The following CORO2B variants were observed in gnomAD, a reference collection of about 807,000 sequenced individuals.
CORO2B encodes coronin-2B.
In CORO2B, 26 loss-of-function variants were observed where a neutral mutation model predicts 58.8. The ratio of observed to expected loss-of-function variants is 0.44; its 90% CI spans 0.32 to 0.61. The LOEUF (loss-of-function observed/expected upper bound fraction) is 0.61. CORO2B is among the 20% of genes least tolerant of loss of function. The pLI, the probability that CORO2B is intolerant of heterozygous loss-of-function variation, is 0.04. For synonymous variants in CORO2B, 242 were observed against 253.8 expected, an observed-to-expected ratio of 0.95 and a Z score of 0.44; for missense variants, 460 against 645.1, an observed-to-expected ratio of 0.71 and a Z score of 3.11.
At chr15:68,624,562 G>A (rs1900624407) in intron 1 of CORO2B, among the ~76,000 whole-genome samples, 1 of 152,096 alleles carries the variant, frequency 6.6e-6, no homozygotes, top group Non-Finnish European at 1.5e-5. Context: ...TGATGTATTA[G>A]TTGTGCATTC....
At chr15:68,558,143 C>T in the CORO2B span, among the ~76,000 whole-genome samples, 10 of 152,198 alleles carry the variant, frequency 6.6e-5, no homozygotes, top group Non-Finnish European at 1.5e-4. Context: ...GCCAGCCTGG[C>T]GGAGGGCAGA....
the CORO2B span, among the ~76,000 whole-genome samples, chr15:68,542,301 C>T: frequency 6.6e-6 from 1 of 152,170 alleles, no homozygotes; most frequent in African/African-American, 2.4e-5. Context: ...GCAAGCAAAA[C>T]ACACTACTCA....
chr15:68,708,584 G>C (rs180864672), intron 3 of CORO2B, among the ~76,000 whole-genome samples: 24 of 151,772 alleles, frequency 1.6e-4, no homozygotes, highest in Non-Finnish European at 3.2e-4. Flanking sequence ...GGATGGTCTC[G>C]ATCTCCTGAC....
chr15:68,590,394 G>T (rs558439206), intron 1 of CORO2B, among the ~76,000 whole-genome samples: 22 of 152,086 alleles, frequency 1.4e-4, no homozygotes, highest in Non-Finnish European at 5.9e-5. Flanking sequence ...GTTCTCTCAG[G>T]TACCCCCATA....
intron 1 of CORO2B, among the ~76,000 whole-genome samples, chr15:68,640,536 G>T (rs1002647929): frequency 1.3e-5 from 2 of 150,578 alleles, no homozygotes; most frequent in African/African-American, 4.9e-5. Context: ...GGTGATAGGA[G>T]TATTGTAGGT....
rs1269309677 is a variant in CORO2B, at chr15:68,704,039, T to TACAA, written c.334-6690_334-6689insAACA. ...CAAAAACCCTTTCTCTACACACACA[T>TACAA]ACACACACACACACACACACACACA... On this transcript the variant is annotated intron_variant, in intron 3 of 11. Coordinates refer to ENST00000261861, the MANE Select transcript of CORO2B (RefSeq NM_006091.5). Among the ~76,000 whole-genome samples, 300 of 128,156 alleles carry TACAA rather than the reference T, an allele frequency of 2.3e-3. 9 individuals carry two copies. In the East Asian group the frequency reaches 0.055, roughly 24 times the overall value. The allele number at this position is 128,156 out of a possible 152,430, so 84.1% of individuals were successfully genotyped here.
chr15:68,710,788 C>T lies in CORO2B; in HGVS notation c.390C>T (p.Leu130=). Residue 130 remains leucine (L), a synonymous_variant, in exon 4 of 12, where the codon CTC becomes CTT. Transcript: ENST00000261861. This position sits in a 1 kb window ranked among gnomAD's most constrained non-coding sequence, Gnocchi z 4.1. ...TGAAGCGGAACATGACGGAGGCGCTCCTGGAGCTGCACGGGCACAGCCGGC... is the reference window on the plus strand; with the variant it reads ...TGAAGCGGAACATGACGGAGGCGCTTCTGGAGCTGCACGGGCACAGCCGGC... ...GGLKRNMTEA[L]LELHGHSRRV... 1 of 1,612,554 alleles carries T rather than the reference C, an allele frequency of 6.2e-7. No homozygotes were observed. Among genetic ancestry groups the T allele is most frequent in the Non-Finnish European group, 8.5e-7 (1 of 1,179,396 alleles).
chr15:68,571,123 T>C, the CORO2B span, among the ~76,000 whole-genome samples: 1 of 152,186 alleles, frequency 6.6e-6, no homozygotes, highest in Non-Finnish European at 1.5e-5. Flanking sequence ...TAAATATCTC[T>C]TTAAAGAGCT....
the CORO2B span, among the ~76,000 whole-genome samples, chr15:68,562,372 A>G: frequency 6.6e-6 from 1 of 152,100 alleles, no homozygotes; most frequent in Non-Finnish European, 1.5e-5. Flanking sequence ...CACAAGAGTT[A>G]TATTTTTCCC....
At chr15:68,585,325 AT>A (rs1315639048) in intron 1 of CORO2B, among the ~76,000 whole-genome samples, 3 of 152,118 alleles carry the variant, frequency 2.0e-5, no homozygotes, top group Non-Finnish European at 4.4e-5. Context: ...AACCTTTTCA[AT>A]CCGATCACAT....
chr15:68,704,069 C>T (rs1335009482), intron 3 of CORO2B, among the ~76,000 whole-genome samples: 2 of 150,820 alleles, frequency 1.3e-5, no homozygotes, highest in African/African-American at 2.5e-5. Flanking sequence ...CACACACACA[C>T]ACACACACAC....
the CORO2B span, among the ~76,000 whole-genome samples, chr15:68,563,665 T>C: frequency 6.6e-6 from 1 of 151,968 alleles, no homozygotes; most frequent in Non-Finnish European, 1.5e-5. Context: ...AAAAAGGAGA[T>C]AAGACTCATA....
the CORO2B span, among the ~76,000 whole-genome samples, chr15:68,528,359 A>G: frequency 2.0e-5 from 3 of 152,124 alleles, no homozygotes; most frequent in South Asian, 4.1e-4. Context: ...ATTACCACTG[A>G]GTTTTTTCAA....
intron 1 of CORO2B, among the ~76,000 whole-genome samples, chr15:68,614,764 C>T (rs954107429): frequency 2.6e-5 from 4 of 152,160 alleles, no homozygotes; most frequent in African/African-American, 9.7e-5. Context: ...AGGGCTGCAG[C>T]GGGCCCTTTA....
intron 3 of CORO2B, among the ~76,000 whole-genome samples, chr15:68,697,787 G>A (rs780674567): frequency 4.6e-5 from 7 of 152,230 alleles, no homozygotes; most frequent in Admixed American, 1.3e-4. Flanking sequence ...TTCCTGGGCT[G>A]GGAAAGAGGC....
chr15:68,704,884 CG>C (rs1892745403), intron 3 of CORO2B, among the ~76,000 whole-genome samples: 1 of 152,154 alleles, frequency 6.6e-6, no homozygotes, highest in African/African-American at 2.4e-5. Context: ...GTTTGGCAAA[CG>C]CTACTGAGTT....
chr15:68,707,761 GT>G (rs1310718823), intron 3 of CORO2B, among the ~76,000 whole-genome samples: 2 of 152,200 alleles, frequency 1.3e-5, no homozygotes, highest in Non-Finnish European at 2.9e-5. Context: ...CCTTTCTACA[GT>G]ACATTTGGGG....
chr15:68,647,857 TAA>T (rs35636803), intron 2 of CORO2B, among the ~76,000 whole-genome samples: 1 of 136,482 alleles, frequency 7.3e-6, no homozygotes. Flanking sequence ...TTCTACAAAT[TAA>T]AAAAAAAAAA....
intron 1 of CORO2B, among the ~76,000 whole-genome samples, chr15:68,603,313 A>T (rs1426143231): frequency 2.0e-5 from 3 of 152,178 alleles, no homozygotes; most frequent in African/African-American, 7.2e-5. Context: ...ATGGGAGGGT[A>T]TGCACAGATG....
Sources: gnomAD v4.1 joint callset for allele counts (sites outside exome capture counted in the v4.1 genomes callset) on GRCh38, gnomAD v4.1.1 for gene constraint, Gnocchi (gnomAD v3.1) non-coding constraint, MANE v1.5 for transcripts, NCBI Gene and HGNC (gene_info 2026-07-23, HGNC 2026-07-21) for gene names.